Variants in PACRG observed in about 807,000 individuals in gnomAD.
PACRG encodes parkin coregulated.
A neutral mutation model predicts 29.7 loss-of-function variants in PACRG; 29 were observed. The observed-to-expected ratio is 0.98, with a 90% CI of 0.73 to 1.33. PACRG has a LOEUF of 1.33. Ranked by LOEUF, PACRG falls within the 40% of genes most tolerant of loss-of-function variation. The pLI, the probability that PACRG is intolerant of heterozygous loss-of-function variation, is 0.00. For synonymous variants in PACRG, 116 were observed against 118.7 expected, an observed-to-expected ratio of 0.98 and a Z score of 0.15; for missense variants, 279 against 316.2, an observed-to-expected ratio of 0.88 and a Z score of 0.89.
chr6:163,050,283 G>A (rs1383470768), intron 2 of PACRG, among the ~76,000 whole-genome samples: 1 of 151,728 alleles, frequency 6.6e-6, no homozygotes, highest in African/African-American at 2.4e-5. Flanking sequence ...ACTTTAATAT[G>A]CTTAATTATT....
At chr6:162,916,459 A>C (rs934148058) in intron 2 of PACRG, among the ~76,000 whole-genome samples, 19 of 152,118 alleles carry the variant, frequency 1.2e-4, no homozygotes, top group Non-Finnish European at 2.4e-4. Context: ...ATTTCTTCAA[A>C]TATATTTTCT....
At chr6:162,914,800 CTT>C (rs1211863635) in intron 2 of PACRG, among the ~76,000 whole-genome samples, 1 of 151,702 alleles carries the variant, frequency 6.6e-6, no homozygotes, top group African/African-American at 2.4e-5. Flanking sequence ...TATTTTATAA[CTT>C]GACATTAATG....
At chr6:163,300,657 T>G (rs1784953417) in intron 4 of PACRG, among the ~76,000 whole-genome samples, 1 of 152,252 alleles carries the variant, frequency 6.6e-6, no homozygotes, top group African/African-American at 2.4e-5. Flanking sequence ...ATTAAGTGCC[T>G]TTAGTGCCTC....
chr6:163,073,807 A>G (rs1477838377), intron 3 of PACRG, among the ~76,000 whole-genome samples: 2 of 152,260 alleles, frequency 1.3e-5, no homozygotes, highest in South Asian at 2.1e-4. Context: ...AAGACATGCA[A>G]ATAGCAAATA....
chr6:163,191,751 C>A (rs6937392), intron 4 of PACRG: 363,451 of 456,066 alleles, frequency 0.8, 145,782 homozygotes, highest in Non-Finnish European at 0.83. Flanking sequence ...AGAGCCATGA[C>A]GTCCCTCTGC....
chr6:162,972,213 A>G (rs1801593064), intron 2 of PACRG, among the ~76,000 whole-genome samples: 1 of 152,092 alleles, frequency 6.6e-6, no homozygotes, highest in South Asian at 2.1e-4. Flanking sequence ...GATGTTTGAG[A>G]TGTTTTCCAC....
At chr6:163,005,862 AAC>A (rs1805026344) in intron 2 of PACRG, among the ~76,000 whole-genome samples, 1 of 146,862 alleles carries the variant, frequency 6.8e-6, no homozygotes, top group African/African-American at 2.5e-5. Flanking sequence ...ATATATATAC[AAC>A]ATAGTTATAC....
chr6:163,083,856 G>A (rs888739103), intron 3 of PACRG, among the ~76,000 whole-genome samples: 1 of 151,156 alleles, frequency 6.6e-6, no homozygotes, highest in Non-Finnish European at 1.5e-5. Flanking sequence ...CTTTTTTCCT[G>A]ATACCACAAT....
Position 163,300,910 on chromosome 6 carries a change from A to G in PACRG, c.614-13917A>G, listed in dbSNP as rs578111426. ...AGCAGGGCCACATCCACTGCTTCCC[A>G]TGAGTTTAGTAGGGCCACATCCACT... On this transcript the variant is annotated intron_variant, in intron 4 of 4. Transcript: ENST00000366888. Among the ~76,000 whole-genome samples the G allele has an allele frequency of 7.4e-4, 103 of 139,270 alleles. 2 individuals are homozygous for G. The highest frequency in any genetic ancestry group is 2.4e-3 in the African/African-American group (89 of 37,314). The allele number at this position is 139,270 out of a possible 152,430, so 91.4% of individuals were successfully genotyped here. A position where few individuals can be genotyped will look rare whatever the true frequency, so the allele number is the denominator to read the frequency against.
Position 163,127,489 on chromosome 6 carries a change from G to C in PACRG, c.613+38081G>C, listed in dbSNP as rs535597716. Reference sequence around the variant, plus strand: ...GACTTGTCTGTTTTGTCCACTGCTTGTCTCTAGGTCTGCCGCACAAGTGTG... The same window carrying C: ...GACTTGTCTGTTTTGTCCACTGCTTCTCTCTAGGTCTGCCGCACAAGTGTG... On this transcript the variant is annotated intron_variant, in intron 4 of 4. Coordinates refer to ENST00000366888, the MANE Select transcript of PACRG (RefSeq NM_001080379.2). 2.6e-5 allele frequency among the ~76,000 whole-genome samples: 4 copies of C among 152,258 alleles called. No individual in the cohort carries two copies. The South Asian group carries it at 8.3e-4, about 32-fold the overall frequency.
At chr6:163,261,106 C>A (rs1003808803) in intron 4 of PACRG, among the ~76,000 whole-genome samples, 3 of 152,092 alleles carry the variant, frequency 2.0e-5, no homozygotes, top group African/African-American at 7.2e-5. Flanking sequence ...GAGTGCTAGT[C>A]CCATCGGGAG....
rs183560024 is a variant in PACRG, at chr6:162,766,150, A to G, written c.156+37759A>G. Reference sequence around the variant, plus strand: ...ATTAACTATAGTCACAGTGCTGTGCAGTAGGACACCAGAAATTACTCCTGC... The same window carrying G: ...ATTAACTATAGTCACAGTGCTGTGCGGTAGGACACCAGAAATTACTCCTGC... On this transcript the variant is annotated intron_variant, in intron 1 of 4. Coordinates refer to ENST00000366888, the MANE Select transcript of PACRG (RefSeq NM_001080379.2). Among the ~76,000 whole-genome samples, 163 of 152,320 alleles carry G rather than the reference A, an allele frequency of 1.1e-3. 1 individual carries two copies. The highest frequency in any genetic ancestry group is 6.8e-3 in the Middle Eastern group (2 of 294).
At chr6:162,944,442 A>G (rs1161577633) in intron 2 of PACRG, among the ~76,000 whole-genome samples, 1 of 152,234 alleles carries the variant, frequency 6.6e-6, no homozygotes, top group Non-Finnish European at 1.5e-5. Flanking sequence ...CCTCAAAAGA[A>G]ATACAATAAT....
intron 2 of PACRG, among the ~76,000 whole-genome samples, chr6:162,931,433 T>G (rs1192119710): frequency 6.6e-6 from 1 of 151,992 alleles, no homozygotes. Context: ...CTAGGTTTTC[T>G]TCTAGAAGTT....
At chr6:162,958,775 T>G (rs1374803139) in intron 2 of PACRG, among the ~76,000 whole-genome samples, 1 of 146,022 alleles carries the variant, frequency 6.8e-6, no homozygotes, top group African/African-American at 2.5e-5. Context: ...CACATACACA[T>G]AAATATACAT....
At chr6:162,979,042 A>C (rs1363239096) in intron 2 of PACRG, among the ~76,000 whole-genome samples, 1 of 152,242 alleles carries the variant, frequency 6.6e-6, no homozygotes, top group Non-Finnish European at 1.5e-5. Flanking sequence ...AAATAAGTGC[A>C]AAACATATAT....
At chr6:162,793,594 A>G (rs1025762213) in intron 1 of PACRG, among the ~76,000 whole-genome samples, 1 of 152,212 alleles carries the variant, frequency 6.6e-6, no homozygotes, top group Non-Finnish European at 1.5e-5. Context: ...AAAGGAATTG[A>G]CATGTGCATC....
chr6:163,195,193 C>T (rs367656511), intron 4 of PACRG, among the ~76,000 whole-genome samples: 7 of 152,202 alleles, frequency 4.6e-5, no homozygotes, highest in African/African-American at 1.7e-4. Flanking sequence ...ATGCCTTGGC[C>T]TCTCAGCCAC....
At chr6:163,286,401 G>C (rs1263631769) in intron 4 of PACRG, among the ~76,000 whole-genome samples, 3 of 152,134 alleles carry the variant, frequency 2.0e-5, no homozygotes. Context: ...ATTCTGTAAA[G>C]AGTATCAGAG....
Sources: allele counts gnomAD v4.1 joint callset (sites outside exome capture counted in the v4.1 genomes callset), GRCh38; gene constraint gnomAD v4.1.1; transcripts MANE v1.5; gene names NCBI Gene and HGNC (gene_info 2026-07-23, HGNC 2026-07-21).